The following ABLIM1 variants were observed in gnomAD, a reference collection of about 807,000 sequenced individuals.
The protein encoded by ABLIM1 is actin binding LIM protein 1.
In ABLIM1, 40 loss-of-function variants were observed where a neutral mutation model predicts 107.0. The ratio of observed to expected loss-of-function variants is 0.37; its 90% CI spans 0.29 to 0.49. The LOEUF (loss-of-function observed/expected upper bound fraction) is 0.49. ABLIM1 is among the 20% of genes least tolerant of loss of function. The pLI, the probability that ABLIM1 is intolerant of heterozygous loss-of-function variation, is 0.97. For synonymous variants in ABLIM1, 357 were observed against 357.3 expected, an observed-to-expected ratio of 1.00 and a Z score of 0.01; for missense variants, 857 against 1,008.5, an observed-to-expected ratio of 0.85 and a Z score of 2.04.
chr10:114,604,150 G>T (rs1371651923), intron 1 of ABLIM1, among the ~76,000 whole-genome samples: 1 of 152,120 alleles, frequency 6.6e-6, no homozygotes, highest in Non-Finnish European at 1.5e-5. Context: ...AGTGAAGTGA[G>T]TAATACTGTT....
chr10:114,448,044 G>T, intron 14 of ABLIM1, 24 bp from the exon 15 acceptor site: 1 of 1,613,898 alleles, frequency 6.2e-7, no homozygotes, highest in Non-Finnish European at 8.5e-7. Flanking sequence ...GGAATCAGGG[G>T]TTGCTTAGCT....
intron 15 of ABLIM1, among the ~76,000 whole-genome samples, chr10:114,445,983 G>A (rs2060962589): frequency 6.6e-6 from 1 of 152,136 alleles, no homozygotes; most frequent in African/African-American, 2.4e-5. Context: ...TATTGCCCAG[G>A]CTGATCTCAA....
In ABLIM1 at chr10:114,633,651, T is replaced by C. The variant is rs1005771935; in HGVS notation, c.244+24306A>G. ...GACTTCTCTAACCTCCATTCATAAATATGAGCCAAGCACGAGAGCAGCTCG... is the reference window on the plus strand; with the variant it reads ...GACTTCTCTAACCTCCATTCATAAACATGAGCCAAGCACGAGAGCAGCTCG... On this transcript the variant is annotated intron_variant, in intron 1 of 22. Coordinates refer to ENST00000533213, the MANE Select transcript of ABLIM1 (RefSeq NM_002313.7). 4.6e-5 allele frequency among the ~76,000 whole-genome samples: 7 copies of C among 152,224 alleles called. No homozygotes were observed. The South Asian group carries it at 1.0e-3, about 23-fold the overall frequency.
At chr10:114,780,509 T>C in the ABLIM1 span, among the ~76,000 whole-genome samples, 1 of 152,152 alleles carries the variant, frequency 6.6e-6, no homozygotes, top group Admixed American at 6.6e-5. Context: ...CAGAGGGGAC[T>C]TCCTTATCAT....
rs146278957 is a variant in ABLIM1 at position 114,629,782 on chromosome 10, A to G, written c.245-27821T>C. ...CGATCCCCAGTGCCCTTCTCACTTT[A>G]AGGGCTATGAAGAAGTTCCCTTTTT... On this transcript the variant is annotated intron_variant, in intron 1 of 22. Transcript: ENST00000533213. The surrounding 1 kb of genome is among the most constrained non-coding windows in gnomAD (Gnocchi z 4.0). Among the ~76,000 whole-genome samples, 2 of 152,264 alleles carry G rather than the reference A, an allele frequency of 1.3e-5. No individual in the cohort carries two copies. Among genetic ancestry groups the G allele is most frequent in the South Asian group, 2.1e-4 (1 of 4,826 alleles).
intron 1 of ABLIM1, among the ~76,000 whole-genome samples, chr10:114,743,844 A>G (rs568149381): frequency 6.6e-6 from 1 of 152,334 alleles, no homozygotes; most frequent in Admixed American, 6.5e-5. Flanking sequence ...TAACCTTCAT[A>G]AAAAGATGGG....
chr10:114,797,170 TCA>T, the ABLIM1 span, among the ~76,000 whole-genome samples: 1 of 152,210 alleles, frequency 6.6e-6, no homozygotes, highest in Non-Finnish European at 1.5e-5. Flanking sequence ...CAAAAAATTG[TCA>T]CATCTACTTT....
At chr10:114,453,612 A>C in intron 12 of ABLIM1, 129 bp from the exon 13 acceptor site, 2 of 765,780 alleles carry the variant, frequency 2.6e-6, no homozygotes, top group Non-Finnish European at 4.0e-6. Flanking sequence ...AAACAAAAGA[A>C]ACAAACTCAA....
At chr10:114,442,914 A>G (rs1008103051) in intron 17 of ABLIM1, among the ~76,000 whole-genome samples, 1 of 151,838 alleles carries the variant, frequency 6.6e-6, no homozygotes, top group African/African-American at 2.4e-5. Flanking sequence ...TCTTGGCTCA[A>G]TGTAAGCTCA....
intron 6 of ABLIM1, among the ~76,000 whole-genome samples, chr10:114,493,197 G>C (rs2059235559): frequency 6.6e-6 from 1 of 152,210 alleles, no homozygotes; most frequent in South Asian, 2.1e-4. Flanking sequence ...AAAGGAGGAA[G>C]AAAGAAGACA....
intron 1 of ABLIM1, among the ~76,000 whole-genome samples, chr10:114,653,707 T>C (rs1403471966): frequency 1.3e-5 from 2 of 152,232 alleles, no homozygotes; most frequent in Non-Finnish European, 2.9e-5. Context: ...ATATGCTCAC[T>C]GATATATTTT....
chr10:114,690,520 T>C (rs961874699), intron 1 of ABLIM1: 4 of 1,436,654 alleles, frequency 2.8e-6, no homozygotes, highest in Middle Eastern at 1.7e-4. Flanking sequence ...TTCTCTCCCA[T>C]GCCCAGAACA....
chr10:114,744,189 G>A (rs1328239705), intron 1 of ABLIM1, among the ~76,000 whole-genome samples: 3 of 152,162 alleles, frequency 2.0e-5, no homozygotes, highest in African/African-American at 7.2e-5. Flanking sequence ...GTGCTTTGGA[G>A]GTAGACTCAA....
In ABLIM1 at chr10:114,641,909, G is replaced by T. The variant is rs559229912; in HGVS notation, c.244+16048C>A. On this transcript the variant is annotated intron_variant, in intron 1 of 22. Coordinates refer to ENST00000533213, the MANE Select transcript of ABLIM1 (RefSeq NM_002313.7). Reference sequence around the variant, plus strand: ...TTGTTTTGTTTTGTTTTGAGACAAGGTATCACTCTGTTACCCAGGCCAGAG... The same window carrying T: ...TTGTTTTGTTTTGTTTTGAGACAAGTTATCACTCTGTTACCCAGGCCAGAG... 8.8e-5 allele frequency among the ~76,000 whole-genome samples: 13 copies of T among 147,728 alleles called. No homozygotes were observed. In the East Asian group the frequency reaches 2.5e-3, roughly 28 times the overall value.
chr10:114,506,636 T>C (rs2061191510), intron 6 of ABLIM1, among the ~76,000 whole-genome samples: 1 of 152,230 alleles, frequency 6.6e-6, no homozygotes, highest in South Asian at 2.1e-4. Context: ...TTTCATATAT[T>C]TGTTGGCTGC....
intron 6 of ABLIM1, among the ~76,000 whole-genome samples, chr10:114,519,391 C>T (rs747938127): frequency 3.3e-5 from 5 of 152,140 alleles, no homozygotes; most frequent in African/African-American, 1.2e-4. Context: ...AGGCCAGGTC[C>T]GGGAACCAGC....
At chr10:114,471,362 G>T (rs1335297843) in intron 10 of ABLIM1, among the ~76,000 whole-genome samples, 1 of 152,170 alleles carries the variant, frequency 6.6e-6, no homozygotes, top group Non-Finnish European at 1.5e-5. Flanking sequence ...CCCCTTGCTT[G>T]TATGGGTTAA....
intron 6 of ABLIM1, among the ~76,000 whole-genome samples, chr10:114,522,063 A>G (rs2063826397): frequency 6.6e-6 from 1 of 152,194 alleles, no homozygotes; most frequent in South Asian, 2.1e-4. Flanking sequence ...GTGAAAGCCC[A>G]GAGATGGACA....
intron 1 of ABLIM1, 115 bp downstream of exon 1, chr10:114,657,842 A>C: frequency 1.1e-6 from 1 of 884,704 alleles, no homozygotes; most frequent in Admixed American, 2.4e-5. Context: ...ATTATATATT[A>C]AGGATAGTGT....
Sources: allele counts gnomAD v4.1 joint callset (sites outside exome capture counted in the v4.1 genomes callset), GRCh38; gene constraint gnomAD v4.1.1; non-coding constraint Gnocchi (gnomAD v3.1); transcripts MANE v1.5; gene names NCBI Gene and HGNC (gene_info 2026-07-23, HGNC 2026-07-21).